The following ARIH2 variants were observed in gnomAD, a reference collection of about 807,000 sequenced individuals.
ARIH2 encodes the protein E3 ubiquitin-protein ligase ARIH2.
A neutral mutation model predicts 79.8 loss-of-function variants in ARIH2; 12 were observed. The ratio of observed to expected loss-of-function variants is 0.15; its 90% CI spans 0.10 to 0.24. The LOEUF is 0.24. Ranked by LOEUF, ARIH2 falls within the 10% of genes least tolerant of loss-of-function variation. The pLI is 1.00. For missense variants in ARIH2, 301 were observed against 618.3 expected, an observed-to-expected ratio of 0.49 and a Z score of 5.44; for synonymous variants, 224 against 213.9, an observed-to-expected ratio of 1.05 and a Z score of -0.41.
chr3:48,958,100 A>T (rs987311184), intron 3 of ARIH2, among the ~76,000 whole-genome samples: 1 of 152,146 alleles, frequency 6.6e-6, no homozygotes, highest in Admixed American at 6.6e-5. Flanking sequence ...CTGCAGGAGG[A>T]TCACTTGAGA....
intron 3 of ARIH2, among the ~76,000 whole-genome samples, chr3:48,959,503 G>A (rs1403622791): frequency 6.6e-6 from 1 of 151,190 alleles, no homozygotes; most frequent in Non-Finnish European, 1.5e-5. Context: ...GGGAAACCTA[G>A]GCCTAGAGTC....
chr3:48,983,604 T>C lies in ARIH2; in HGVS notation c.*334T>C, dbSNP rs1203192070. 5.7e-5 allele frequency: 6 copies of C among 104,708 alleles called. No homozygotes were observed. The highest frequency in any genetic ancestry group is 4.7e-5 in the African/African-American group (1 of 21,216). The allele number at this position is 104,708 out of a possible 1,614,324, so 6.5% of individuals were successfully genotyped here. On this transcript the variant is annotated 3_prime_UTR_variant, in exon 16 of 16. Coordinates refer to ENST00000356401, the MANE Select transcript of ARIH2 (RefSeq NM_006321.4). ...GTAACTTTCAAAGGTTGTACAATTATACAAAAAAAAAAAAAAGGCAAACTA... is the reference window on the plus strand; with the variant it reads ...GTAACTTTCAAAGGTTGTACAATTACACAAAAAAAAAAAAAAGGCAAACTA...
At chr3:48,948,314 G>A (rs191486510) in intron 3 of ARIH2, among the ~76,000 whole-genome samples, 18 of 151,160 alleles carry the variant, frequency 1.2e-4, no homozygotes, top group Admixed American at 1.1e-3. Context: ...TGTTGCCCAG[G>A]CTGGAGTGCA....
intron 3 of ARIH2, among the ~76,000 whole-genome samples, chr3:48,937,719 CTT>C (rs943643129): frequency 6.6e-6 from 1 of 152,036 alleles, no homozygotes; most frequent in Admixed American, 6.6e-5. Flanking sequence ...CTTCAAAGGA[CTT>C]TTTCATGAAG....
chr3:48,970,020 A>G (rs2092100574), intron 7 of ARIH2, among the ~76,000 whole-genome samples: 1 of 151,410 alleles, frequency 6.6e-6, no homozygotes, highest in African/African-American at 2.4e-5. Flanking sequence ...CCTCCTGAGT[A>G]GCTGAGGTTA....
rs770951570 is a variant in ARIH2 at position 48,982,943 on chromosome 3, A to G, written c.1374A>G (p.Ser458=). The stretch of plus-strand genomic sequence containing the variant: ...TGGAGGCTGAGATCGAAAACCTCTC[A>G]TGGAAAGTGGAGCGTGCAGACAGCT... ...AQLEAEIENL[S]WKVERADSYD... is the part of the protein sequence containing the mutation. Residue 458 remains serine (S), a synonymous_variant, in exon 15 of 16, where the codon TCA becomes TCG. Coordinates refer to ENST00000356401, the MANE Select transcript of ARIH2 (RefSeq NM_006321.4). 9.3e-6 allele frequency: 15 copies of G among 1,614,050 alleles called. No individual in the cohort carries two copies. Among genetic ancestry groups the G allele is most frequent in the African/African-American group, 2.7e-5 (2 of 74,924 alleles).
chr3:48,948,294 G>A (rs1358796024), intron 3 of ARIH2, among the ~76,000 whole-genome samples: 2 of 150,772 alleles, frequency 1.3e-5, no homozygotes, highest in East Asian at 3.9e-4. Flanking sequence ...TTGAGACGGA[G>A]TTTTGCTCTT....
At chr3:48,925,228 C>T (rs906108838) in intron 2 of ARIH2, 1 of 151,978 alleles carries the variant, frequency 6.6e-6, no homozygotes, top group East Asian at 1.9e-4. Context: ...ATTCTCCTGC[C>T]TCAGCCTCCC....
In ARIH2 at chr3:48,947,894, G is replaced by T. The variant is rs192237204; in HGVS notation, c.256-13718G>T. Among the ~76,000 whole-genome samples the T allele has an allele frequency of 2.2e-3, 337 of 152,224 alleles. 3 individuals are homozygous for T. The highest frequency in any genetic ancestry group is 7.5e-3 in the African/African-American group (310 of 41,532). On this transcript the variant is annotated intron_variant, in intron 3 of 15. Coordinates refer to ENST00000356401, the MANE Select transcript of ARIH2 (RefSeq NM_006321.4). ...CATCAGTCAACTCATTTTTGAAGCA[G>T]CTCTATTAAAGTTTTACATGCCATT...
intron 14 of ARIH2, 64 bp from the exon 15 acceptor site, chr3:48,982,832 G>C (rs112865860): frequency 1.6e-6 from 2 of 1,250,754 alleles, no homozygotes; most frequent in African/African-American, 2.9e-5. Context: ...GCCCACCCCC[G>C]TGTACAGGCC....
chr3:48,919,174 C>A, intron 1 of ARIH2, 176 bp downstream of exon 1: 1 of 1,299,798 alleles, frequency 7.7e-7, no homozygotes. Flanking sequence ...GGCCGGGCGC[C>A]CAGCGTGTGT....
chr3:48,919,359 C>T (rs2084415094), intron 1 of ARIH2: 2 of 593,976 alleles, frequency 3.4e-6, no homozygotes, highest in Non-Finnish European at 5.0e-6. Context: ...CAGCGCTGCC[C>T]GCGCGGTTTA....
Position 48,978,465 on chromosome 3 carries a change from GTA to G in ARIH2, c.962-999_962-998del, listed in dbSNP as rs1232911399. On this transcript the variant is annotated intron_variant, in intron 11 of 15. Transcript: ENST00000356401. ...TGTGTGTGTGTGTGTGTGTGTGTGT[GTA>G]TATATATATATATATATTTTTTTTT... Among the ~76,000 whole-genome samples, 398 of 75,424 alleles carry G rather than the reference GTA, an allele frequency of 5.3e-3. 8 individuals are homozygous for G. Among genetic ancestry groups the G allele is most frequent in the East Asian group, 0.013 (8 of 600 alleles). The allele number at this position is 75,424 out of a possible 152,430, so 49.5% of individuals were successfully genotyped here.
At chr3:48,956,960 G>C (rs1238487278) in intron 3 of ARIH2, among the ~76,000 whole-genome samples, 1 of 152,034 alleles carries the variant, frequency 6.6e-6, no homozygotes, top group Non-Finnish European at 1.5e-5. Flanking sequence ...TGATCTGCCC[G>C]CCTCGGCCTC....
chr3:48,976,171 T>G (rs2092484936), intron 11 of ARIH2, among the ~76,000 whole-genome samples: 2 of 150,808 alleles, frequency 1.3e-5, no homozygotes, highest in Admixed American at 6.6e-5. Context: ...CTTGGCCTCT[T>G]AAAGTGCTGG....
Position 48,946,528 on chromosome 3 carries a change from A to T in ARIH2, c.256-15084A>T, listed in dbSNP as rs1419255313. On this transcript the variant is annotated intron_variant, in intron 3 of 15. Coordinates refer to ENST00000356401, the MANE Select transcript of ARIH2 (RefSeq NM_006321.4). Reference sequence around the variant, plus strand: ...CCTTTGGAAAATACAAATGACCATAAACAAAGTCCTTTTTGACATGCATGT... The same window carrying T: ...CCTTTGGAAAATACAAATGACCATATACAAAGTCCTTTTTGACATGCATGT... Among the ~76,000 whole-genome samples, 5 of 151,916 alleles carry T rather than the reference A, an allele frequency of 3.3e-5. 1 individual carries two copies. Among genetic ancestry groups the T allele is most frequent in the Non-Finnish European group, 7.4e-5 (5 of 67,970 alleles).
chr3:48,960,196 A>G (rs1278732774), intron 3 of ARIH2, among the ~76,000 whole-genome samples: 2 of 152,198 alleles, frequency 1.3e-5, no homozygotes, highest in Non-Finnish European at 2.9e-5. Context: ...GATCTCACCC[A>G]AGTCTTGACA....
intron 13 of ARIH2, among the ~76,000 whole-genome samples, chr3:48,981,268 T>C (rs1004753422): frequency 4.0e-5 from 6 of 149,578 alleles, no homozygotes; most frequent in Admixed American, 1.3e-4. Context: ...GGAGGCAGAG[T>C]TTGCAGTGAG....
intron 8 of ARIH2, among the ~76,000 whole-genome samples, chr3:48,972,015 C>G (rs1028162095): frequency 2.0e-5 from 3 of 152,264 alleles, no homozygotes; most frequent in East Asian, 3.9e-4. Flanking sequence ...TATCATGACC[C>G]TACAGATTTT....
Sources: gnomAD v4.1 joint callset for allele counts (sites outside exome capture counted in the v4.1 genomes callset) on GRCh38, gnomAD v4.1.1 for gene constraint, MANE v1.5 for transcripts, NCBI Gene and HGNC (gene_info 2026-07-23, HGNC 2026-07-21) for gene names.